PSPC1: variants seen among roughly 807,000 people sequenced by gnomAD.
PSPC1 encodes the protein paraspeckle protein 1.
A neutral mutation model predicts 51.6 loss-of-function variants in PSPC1; 14 were observed. The observed-to-expected ratio is 0.27, with a 90% confidence interval of 0.18 to 0.42. The LOEUF is 0.42. Ranked by LOEUF, PSPC1 falls within the 10% of genes least tolerant of loss-of-function variation. The pLI is 1.00. For missense variants in PSPC1, 406 were observed against 701.1 expected (o/e 0.58, Z 4.75); for synonymous variants, 193 against 231.9 (o/e 0.83, Z 1.53).
intron 6 of PSPC1, among the ~76,000 whole-genome samples, chr13:19,729,499 T>G (rs1420109201): frequency 6.7e-6 from 1 of 149,350 alleles, no homozygotes; most frequent in Admixed American, 6.7e-5. Context: ...ATTGTGCCAC[T>G]GCACTCCAGC....
rs1333890444 is a variant in PSPC1, at chr13:19,730,969, A to AC, written c.1053-626_1053-625insG. Among the ~76,000 whole-genome samples the AC allele has an allele frequency of 5.3e-4, 78 of 146,700 alleles. 1 individual carries two copies. The highest frequency in any genetic ancestry group is 1.6e-3 in the African/African-American group (65 of 39,840). On this transcript the variant is annotated intron_variant, in intron 5 of 8. Transcript: ENST00000338910. ...CAGAAAAAAAAAACAAAAAAACAAA[A>AC]AAAAAAAAAACAGAAAAAGTCTGAG...
chr13:19,702,039 T>C (rs1334901187), downstream of PSPC1, among the ~76,000 whole-genome samples: 1 of 152,172 alleles, frequency 6.6e-6, no homozygotes, highest in Non-Finnish European at 1.5e-5. Flanking sequence ...CAGATTCCAA[T>C]GACTCTAGCC....
intron 6 of PSPC1, among the ~76,000 whole-genome samples, chr13:19,681,067 T>C (rs1465090586): frequency 6.6e-6 from 1 of 151,978 alleles, no homozygotes; most frequent in Non-Finnish European, 1.5e-5. Flanking sequence ...ATGTAAAAAT[T>C]AGCTGAGTGC....
At chr13:19,751,623 A>T (rs918859584) in intron 3 of PSPC1, among the ~76,000 whole-genome samples, 156 bp from the exon 4 acceptor site, 1 of 152,196 alleles carries the variant, frequency 6.6e-6, no homozygotes, top group African/African-American at 2.4e-5. Context: ...GCCTGAGTTT[A>T]AGAACTGCCC....
chr13:19,782,246 A>G lies in PSPC1; in HGVS notation c.372+140T>C. On this transcript the variant is annotated intron_variant, in intron 1 of 8. Coordinates refer to ENST00000338910, the MANE Select transcript of PSPC1 (RefSeq NM_001354909.2). This position sits in a 1 kb window ranked among gnomAD's most constrained non-coding sequence, Gnocchi z 4.5. ...GCTGGGGAAGCGGCCAACCCCGCACAGAGGAATCGATGAGGCCGAGCGGCG... is the reference window on the plus strand; with the variant it reads ...GCTGGGGAAGCGGCCAACCCCGCACGGAGGAATCGATGAGGCCGAGCGGCG... 2 of 1,325,866 alleles carry G rather than the reference A, an allele frequency of 1.5e-6. No individual in the cohort carries two copies. The highest frequency in any genetic ancestry group is 9.9e-7 in the Non-Finnish European group (1 of 1,007,154). The allele number at this position is 1,325,866 out of a possible 1,614,324, so 82.1% of individuals were successfully genotyped here. A position where few individuals can be genotyped will look rare whatever the true frequency, so the allele number is the denominator to read the frequency against.
downstream of PSPC1, among the ~76,000 whole-genome samples, chr13:19,701,683 TTG>T (rs1242786364): frequency 6.6e-6 from 1 of 152,234 alleles, no homozygotes; most frequent in Non-Finnish European, 1.5e-5. Flanking sequence ...AAAATTTAAA[TTG>T]TTTCTTTCCA....
At chr13:19,707,368 A>C (rs1880823056) in intron 7 of PSPC1, among the ~76,000 whole-genome samples, 1 of 152,224 alleles carries the variant, frequency 6.6e-6, no homozygotes, top group African/African-American at 2.4e-5. Context: ...AAATGTTAGC[A>C]TTATCTGATT....
At chr13:19,781,746 G>A (rs1283552089) in intron 1 of PSPC1, among the ~76,000 whole-genome samples, 3 of 152,098 alleles carry the variant, frequency 2.0e-5, no homozygotes, top group Non-Finnish European at 4.4e-5. Flanking sequence ...TTCGAGACCA[G>A]CCTGGGCAAC....
chr13:19,711,220 C>A (rs1466594983), intron 6 of PSPC1, among the ~76,000 whole-genome samples: 1 of 152,022 alleles, frequency 6.6e-6, no homozygotes, highest in East Asian at 1.9e-4. Context: ...TGCTGACCTG[C>A]AAAAAAAGCT....
chr13:19,693,205 A>G (rs777098401), intron 6 of PSPC1, among the ~76,000 whole-genome samples: 86 of 152,166 alleles, frequency 5.7e-4, no homozygotes, highest in Non-Finnish European at 9.8e-4. Flanking sequence ...AAAGCCTACA[A>G]CTATCAAGTA....
intron 6 of PSPC1, among the ~76,000 whole-genome samples, chr13:19,697,418 C>T (rs887373689): frequency 6.6e-6 from 1 of 152,074 alleles, no homozygotes; most frequent in South Asian, 2.1e-4. Flanking sequence ...GAAAACTAAC[C>T]AATACACAGT....
chr13:19,739,756 T>TA lies in PSPC1; in HGVS notation c.1052+1808dup, dbSNP rs535908219. 2.4e-3 allele frequency among the ~76,000 whole-genome samples: 335 copies of TA among 140,348 alleles called. 11 individuals are homozygous for TA. The South Asian group carries it at 0.056, about 23-fold the overall frequency. The allele number at this position is 140,348 out of a possible 152,430, so 92.1% of individuals were successfully genotyped here. A position where few individuals can be genotyped will look rare whatever the true frequency, so the allele number is the denominator to read the frequency against. ...GAAACTCCGTCTCCAAAATAAAATT[T>TA]AAAAAAAAAGTAGAAGAGATTTGAA... On this transcript the variant is annotated intron_variant, in intron 5 of 8. Coordinates refer to ENST00000338910, the MANE Select transcript of PSPC1 (RefSeq NM_001354909.2).
rs527651844 is a variant in PSPC1, at chr13:19,718,202, TG to T, written c.1159-8604del. On this transcript the variant is annotated intron_variant, in intron 6 of 8. Coordinates refer to ENST00000338910, the MANE Select transcript of PSPC1 (RefSeq NM_001354909.2). ...ATTAAAAACAACAATTTCCAATATA[TG>T]TTATTCGCTGCTAGTTAGTGAGGGG... is the stretch of plus-strand genomic sequence containing the variant. Among the ~76,000 whole-genome samples, 29 of 152,318 alleles carry T rather than the reference TG, an allele frequency of 1.9e-4. No homozygotes were observed. The East Asian group carries it at 4.2e-3, about 22-fold the overall frequency.
intron 2 of PSPC1, among the ~76,000 whole-genome samples, chr13:19,762,149 G>C (rs1192756276): frequency 6.6e-6 from 1 of 152,182 alleles, no homozygotes; most frequent in Non-Finnish European, 1.5e-5. Flanking sequence ...GAGAAGTACA[G>C]ATTTCTAAGA....
intron 1 of PSPC1, among the ~76,000 whole-genome samples, chr13:19,774,620 T>C (rs1593778171): frequency 6.7e-6 from 1 of 149,806 alleles, no homozygotes; most frequent in East Asian, 2.0e-4. Context: ...CTGGCCAACA[T>C]GGCAAAACCT....
chr13:19,696,192 G>A (rs563649232), intron 6 of PSPC1, among the ~76,000 whole-genome samples: 39 of 152,282 alleles, frequency 2.6e-4, no homozygotes, highest in African/African-American at 9.4e-4. Context: ...CTATTTTAGG[G>A]TAGTTTTTGG....
At chr13:19,740,686 A>G (rs542193087) in intron 5 of PSPC1, among the ~76,000 whole-genome samples, 13 of 152,306 alleles carry the variant, frequency 8.5e-5, no homozygotes, top group Non-Finnish European at 1.2e-4. Flanking sequence ...TTATACCATT[A>G]TATTTTGCAA....
chr13:19,738,081 C>T (rs1221986844), intron 5 of PSPC1, among the ~76,000 whole-genome samples: 2 of 152,072 alleles, frequency 1.3e-5, no homozygotes, highest in Non-Finnish European at 1.5e-5. Context: ...CAGGGCAAGA[C>T]CTTGTCTCTT....
intron 4 of PSPC1, among the ~76,000 whole-genome samples, chr13:19,742,904 AACTAAGCC>A (rs1233872448): frequency 7.8e-6 from 1 of 128,910 alleles, no homozygotes; most frequent in African/African-American, 3.0e-5. Flanking sequence ...ATTCCTCCCT[AACTAAGCC>A]AATGTCTTAC....
Sources: gnomAD v4.1 joint callset for allele counts (sites outside exome capture counted in the v4.1 genomes callset) on GRCh38, gnomAD v4.1.1 for gene constraint, Gnocchi (gnomAD v3.1) non-coding constraint, MANE v1.5 for transcripts, NCBI Gene and HGNC (gene_info 2026-07-23, HGNC 2026-07-21) for gene names.